The following KYNU variants were observed in gnomAD, a reference collection of about 807,000 sequenced individuals.
The protein encoded by KYNU is kynureninase.
KYNU carries 54 observed loss-of-function variants against 59.2 expected under a neutral mutation model. The ratio of observed to expected loss-of-function variants is 0.91; its 90% confidence interval spans 0.73 to 1.14. The LOEUF is 1.14. Ranked by LOEUF, KYNU falls within the 50% of genes most tolerant of loss-of-function variation. The pLI is 0.00. For synonymous variants in KYNU, 177 were observed against 192.0 expected, an observed-to-expected ratio of 0.92 and a Z score of 0.65; for missense variants, 567 against 554.4, an observed-to-expected ratio of 1.02 and a Z score of -0.23.
chr2:142,899,463 C>T (rs191316281), intron 2 of KYNU, among the ~76,000 whole-genome samples: 109 of 152,280 alleles, frequency 7.2e-4, no homozygotes, highest in Middle Eastern at 3.4e-3. Context: ...CTTAGTCAGC[C>T]TAGAAAATCC....
rs1687266818 is a variant in KYNU at position 143,051,564 on chromosome 2, A to T, written c.*9392A>T. 6.6e-6 allele frequency: 1 copy of T among 152,052 alleles called. No homozygotes were observed. The highest frequency in any genetic ancestry group is 1.5e-5 in the Non-Finnish European group (1 of 67,998). The allele number at this position is 152,052 out of a possible 1,614,324, so 9.4% of individuals were successfully genotyped here. A position where few individuals can be genotyped will look rare whatever the true frequency, so the allele number is the denominator to read the frequency against. On this transcript the variant is annotated 3_prime_UTR_variant, in exon 14 of 14. Coordinates refer to ENST00000264170, the MANE Select transcript of KYNU (RefSeq NM_003937.3). ...TTATCTTTGTGGGAAGGACCTGGTA[A>T]GAGGTAATTGAATCATGGGGGCAGG...
intron 2 of KYNU, among the ~76,000 whole-genome samples, chr2:142,900,966 T>C (rs1310446099): frequency 2.0e-5 from 3 of 150,120 alleles, no homozygotes; most frequent in African/African-American, 7.4e-5. Context: ...ATGTTAAAGA[T>C]ACAGGGATTG....
chr2:143,014,902 G>A (rs77716358), intron 10 of KYNU, among the ~76,000 whole-genome samples: 18,129 of 151,962 alleles, frequency 0.12, 1,166 homozygotes, highest in East Asian at 0.25. Flanking sequence ...TTGTTTTTTG[G>A]GTTCGTTTAG....
intron 2 of KYNU, among the ~76,000 whole-genome samples, chr2:142,905,408 G>A (rs1365512816): frequency 6.6e-6 from 1 of 152,132 alleles, no homozygotes; most frequent in Non-Finnish European, 1.5e-5. Flanking sequence ...TACCCATTGT[G>A]GTTTTTTTCT....
At chr2:142,880,793 G>C (rs1681269340) in intron 1 of KYNU, among the ~76,000 whole-genome samples, 1 of 152,192 alleles carries the variant, frequency 6.6e-6, no homozygotes, top group Non-Finnish European at 1.5e-5. Flanking sequence ...CCAGGCAATT[G>C]ATAATGCCAA....
chr2:143,033,201 C>A (rs1352921221), intron 11 of KYNU, 35 bp from the exon 12 acceptor site: 1 of 1,422,526 alleles, frequency 7.0e-7, no homozygotes, highest in African/African-American at 1.4e-5. Flanking sequence ...TTTAAAGTTA[C>A]CTTCTATGAT....
Position 143,033,348 on chromosome 2 carries a change from C to G in KYNU, c.1041+27C>G, listed in dbSNP as rs762432982. The G allele has an allele frequency of 1.3e-5, 20 of 1,510,404 alleles. No homozygotes were observed. The South Asian group carries it at 2.2e-4, about 17-fold the overall frequency. The allele number at this position is 1,510,404 out of a possible 1,614,324, so 93.6% of individuals were successfully genotyped here. A position where few individuals can be genotyped will look rare whatever the true frequency, so the allele number is the denominator to read the frequency against. On this transcript the variant is annotated intron_variant, in intron 12 of 13. Transcript: ENST00000264170. ...TAAGTGATGTGTGTTTCAACCTTCC[C>G]ACATCTTTGCGTTTTTTCTTGATCT...
intron 4 of KYNU, among the ~76,000 whole-genome samples, chr2:142,929,497 T>C (rs1203095446): frequency 1.3e-5 from 2 of 151,846 alleles, no homozygotes; most frequent in African/African-American, 4.8e-5. Flanking sequence ...GAAGAGTAAA[T>C]TTTTCTGTAA....
Position 142,985,190 on chromosome 2 carries a change from C to A in KYNU, c.828+8C>A. 2 of 1,502,316 alleles carry A rather than the reference C, an allele frequency of 1.3e-6. No homozygotes were observed. Among genetic ancestry groups the A allele is most frequent in the Non-Finnish European group, 1.9e-6 (2 of 1,078,820 alleles). 93.1% of individuals were successfully genotyped at this position (1,502,316 alleles called of 1,614,324 possible). ...TGCTGGTGTTCCTACAAGGTACAAA[C>A]GAGTTAATACATTTACATCCCTTTA... On this transcript the variant is annotated splice_region_variant and intron_variant, in intron 9 of 13. Transcript: ENST00000264170.
chr2:142,959,540 C>T lies in KYNU; in HGVS notation c.583-1084C>T, dbSNP rs186915442. Among the ~76,000 whole-genome samples, 336 of 151,598 alleles carry T rather than the reference C, an allele frequency of 2.2e-3. 3 individuals are homozygous for T. Among genetic ancestry groups the T allele is most frequent in the Non-Finnish European group, 3.8e-3 (256 of 67,910 alleles). On this transcript the variant is annotated intron_variant, in intron 7 of 13. Transcript: ENST00000264170. The stretch of plus-strand genomic sequence containing the variant: ...GGTGGAGGTTGTGGTGAGCCAAGAT[C>T]GCACCATTGCACTCCAGCCTGGGCA...
intron 1 of KYNU, among the ~76,000 whole-genome samples, chr2:142,884,674 T>C (rs550409929): frequency 6.6e-6 from 1 of 150,496 alleles, no homozygotes; most frequent in Non-Finnish European, 1.5e-5. Context: ...TACTATTATT[T>C]TGTTTCTCTT....
At chr2:142,912,258 C>T (rs964225227) in intron 2 of KYNU, among the ~76,000 whole-genome samples, 2 of 151,950 alleles carry the variant, frequency 1.3e-5, no homozygotes, top group Non-Finnish European at 2.9e-5. Flanking sequence ...TTAGTTTCTA[C>T]CTGGTTTAGT....
chr2:142,977,610 A>G (rs1684931951), intron 8 of KYNU, among the ~76,000 whole-genome samples: 1 of 151,978 alleles, frequency 6.6e-6, no homozygotes, highest in African/African-American at 2.4e-5. Flanking sequence ...TTCATGTTTT[A>G]ATAGTGAGGA....
At chr2:143,024,965 T>C (rs1027699287) in intron 10 of KYNU, among the ~76,000 whole-genome samples, 2 of 152,100 alleles carry the variant, frequency 1.3e-5, no homozygotes, top group Non-Finnish European at 2.9e-5. Flanking sequence ...CTCACAACTA[T>C]CTTTTGTCCC....
intron 8 of KYNU, among the ~76,000 whole-genome samples, chr2:142,972,515 C>T (rs1487569956): frequency 6.6e-6 from 1 of 152,060 alleles, no homozygotes; most frequent in East Asian, 1.9e-4. Flanking sequence ...ATGATAATAG[C>T]TACAGTTGAT....
At chr2:143,013,254 C>CTCTCTCTCTCTCCCTG (rs1284487424) in intron 10 of KYNU, among the ~76,000 whole-genome samples, 1 of 151,502 alleles carries the variant, frequency 6.6e-6, no homozygotes, top group Non-Finnish European at 1.5e-5. Context: ...AATAATATTT[C>CTCTCTCTCTCTCCCTG]TCTCTCTCTC....
At chr2:142,925,775 C>G (rs1433284989) in intron 3 of KYNU, among the ~76,000 whole-genome samples, 1 of 152,150 alleles carries the variant, frequency 6.6e-6, no homozygotes, top group Non-Finnish European at 1.5e-5. Flanking sequence ...TGCTCTAGTC[C>G]TCTGGTCTTA....
intron 8 of KYNU, among the ~76,000 whole-genome samples, chr2:142,982,865 G>A (rs988039553): frequency 6.6e-6 from 1 of 151,996 alleles, no homozygotes; most frequent in Non-Finnish European, 1.5e-5. Context: ...AAGAACTCAC[G>A]CAGTAACTGA....
At chr2:142,993,433 T>A (rs991987210) in intron 10 of KYNU, among the ~76,000 whole-genome samples, 1 of 151,990 alleles carries the variant, frequency 6.6e-6, no homozygotes, top group African/African-American at 2.4e-5. Context: ...GGGAACACAC[T>A]CTTGAAGTGG....
Sources: gnomAD v4.1 joint callset for allele counts (sites outside exome capture counted in the v4.1 genomes callset) on GRCh38, gnomAD v4.1.1 for gene constraint, MANE v1.5 for transcripts, NCBI Gene and HGNC (gene_info 2026-07-23, HGNC 2026-07-21) for gene names.